SAMMSON: variants seen among roughly 807,000 people sequenced by gnomAD.
SAMMSON encodes the protein survival associated mitochondrial melanoma specific oncogenic non-coding RNA, also known as long intergenic non-protein coding RNA 1212.
At chr3:70,013,535 A>G (rs2066967939) in exon 3 of SAMMSON, 1 of 152,162 alleles carries the variant, frequency 6.6e-6, no homozygotes, top group Non-Finnish European at 1.5e-5. Flanking sequence ...TAAGACTGAA[A>G]GTCTCAGAAA....
intron 2 of SAMMSON, among the ~76,000 whole-genome samples, chr3:70,399,792 T>C (rs527290923): frequency 6.6e-6 from 1 of 151,182 alleles, no homozygotes; most frequent in African/African-American, 2.4e-5. Context: ...GGAGAATCAC[T>C]TGAACCCGGG....
chr3:70,411,075 A>G (rs973280493), intron 2 of SAMMSON, among the ~76,000 whole-genome samples: 1 of 152,174 alleles, frequency 6.6e-6, no homozygotes, highest in South Asian at 2.1e-4. Context: ...GCGCAATTAG[A>G]CTTCAATTCT....
chr3:70,078,601 A>G (rs960110234), intron 4 of SAMMSON, among the ~76,000 whole-genome samples: 1 of 152,050 alleles, frequency 6.6e-6, no homozygotes, highest in Admixed American at 6.5e-5. Flanking sequence ...GGCCCTTCCT[A>G]CAGTTTTGCA....
At chr3:70,331,308 C>A (rs1011584289) in intron 7 of SAMMSON, among the ~76,000 whole-genome samples, 26 of 152,180 alleles carry the variant, frequency 1.7e-4, no homozygotes, top group African/African-American at 6.0e-4. Flanking sequence ...GTAATTGGCA[C>A]TAGTGGATGA....
intron 4 of SAMMSON, among the ~76,000 whole-genome samples, chr3:70,199,722 C>T (rs555531814): frequency 5.8e-4 from 89 of 152,272 alleles, no homozygotes; most frequent in Admixed American, 1.8e-3. Flanking sequence ...CGTTGGATTT[C>T]CTCTTGTCCT....
In SAMMSON at chr3:70,088,145, G is replaced by A. The variant is rs568717589; in HGVS notation, n.507+16580G>A. 1.4e-4 allele frequency among the ~76,000 whole-genome samples: 21 copies of A among 152,214 alleles called. 1 individual carries two copies. In the South Asian group the frequency reaches 4.4e-3, roughly 32 times the overall value. ...ACTTAGGGTCTCCAAATGCTCTAGG[G>A]TTACAGTATAGAGTTCATGCAACCT... On this transcript the variant is annotated intron_variant and non_coding_transcript_variant, in intron 4 of 9. Transcript: ENST00000642114.
chr3:70,126,136 T>G, intron 4 of SAMMSON: 2 of 1,264,360 alleles, frequency 1.6e-6, no homozygotes, highest in Middle Eastern at 1.8e-4. Flanking sequence ...AGGTGGTGGG[T>G]ACATATACTT....
intron 4 of SAMMSON, among the ~76,000 whole-genome samples, chr3:70,186,467 G>A (rs1045169962): frequency 2.0e-5 from 3 of 151,642 alleles, no homozygotes; most frequent in Admixed American, 2.0e-4. Context: ...GTAGAGATGA[G>A]GTCTCACTCT....
chr3:70,299,188 G>A (rs1406278218), intron 7 of SAMMSON, among the ~76,000 whole-genome samples: 1 of 152,082 alleles, frequency 6.6e-6, no homozygotes, highest in African/African-American at 2.4e-5. Flanking sequence ...AATACTATAT[G>A]TAGAGCCATT....
intron 2 of SAMMSON, among the ~76,000 whole-genome samples, chr3:70,408,009 C>T (rs2320777): frequency 1.3e-5 from 2 of 152,068 alleles, no homozygotes; most frequent in African/African-American, 4.8e-5. Flanking sequence ...CGCAGGCTCA[C>T]CACCACATGG....
chr3:70,081,427 A>G (rs748881243), intron 4 of SAMMSON, among the ~76,000 whole-genome samples: 3 of 152,126 alleles, frequency 2.0e-5, no homozygotes, highest in South Asian at 2.1e-4. Context: ...CATAGTTTTT[A>G]TCACCACTTA....
intron 2 of SAMMSON, among the ~76,000 whole-genome samples, chr3:70,404,246 T>C (rs1701162716): frequency 6.6e-6 from 1 of 152,244 alleles, no homozygotes; most frequent in African/African-American, 2.4e-5. Context: ...GCTCATATTC[T>C]TTTTGGGGGA....
intron 9 of SAMMSON, among the ~76,000 whole-genome samples, chr3:70,359,287 G>T (rs1314288167): frequency 1.3e-5 from 2 of 152,084 alleles, no homozygotes; most frequent in Admixed American, 1.3e-4. Context: ...AAGTACTCAA[G>T]AATAGAAATA....
intron 3 of SAMMSON, among the ~76,000 whole-genome samples, chr3:70,018,237 A>G (rs977120865): frequency 3.9e-5 from 6 of 152,240 alleles, no homozygotes; most frequent in African/African-American, 1.2e-4. Flanking sequence ...TTGGTAAACT[A>G]TTAATTATTG....
intron 4 of SAMMSON, among the ~76,000 whole-genome samples, chr3:70,085,653 TTA>T (rs549377213): frequency 2.0e-4 from 31 of 152,340 alleles, no homozygotes; most frequent in African/African-American, 7.0e-4. Context: ...TGAATACATT[TTA>T]TGTTTCTTCT....
At chr3:70,427,737 CAAA>C (rs34837077) in intron 2 of SAMMSON, among the ~76,000 whole-genome samples, 3 of 102,916 alleles carry the variant, frequency 2.9e-5, no homozygotes, top group African/African-American at 3.8e-5. Flanking sequence ...AACTCCGTCT[CAAA>C]AAAAAAAAAA....
chr3:70,175,163 C>T, intron 4 of SAMMSON, among the ~76,000 whole-genome samples: 1 of 152,198 alleles, frequency 6.6e-6, no homozygotes, highest in East Asian at 1.9e-4. Flanking sequence ...TTTCATCTCT[C>T]CTCTGCTAAT....
At chr3:70,216,964 A>G (rs1396954355) in intron 4 of SAMMSON, among the ~76,000 whole-genome samples, 2 of 152,166 alleles carry the variant, frequency 1.3e-5, no homozygotes, top group African/African-American at 4.8e-5. Flanking sequence ...TCAAATGTCA[A>G]TTGTGCCAAG....
chr3:70,106,038 A>C (rs2067366338), intron 4 of SAMMSON, among the ~76,000 whole-genome samples: 1 of 152,184 alleles, frequency 6.6e-6, no homozygotes, highest in Non-Finnish European at 1.5e-5. Flanking sequence ...TGAGGGCAAA[A>C]TGCAAGAAAC....
Sources: gnomAD v4.1 joint callset for allele counts (sites outside exome capture counted in the v4.1 genomes callset) on GRCh38, gnomAD v4.1.1 for gene constraint, MANE v1.5 for transcripts, NCBI Gene and HGNC (gene_info 2026-07-23, HGNC 2026-07-21) for gene names.